Variants in SHPRH observed in about 807,000 individuals in gnomAD.
The protein encoded by SHPRH is SNF2 histone linker PHD RING helicase, also known as E3 ubiquitin-protein ligase SHPRH.
Under a neutral mutation model 202.5 loss-of-function variants are expected in SHPRH, and 106 were observed. The observed-to-expected ratio is 0.52, with a 90% CI of 0.45 to 0.62. The LOEUF is 0.62. SHPRH is among the 20% of genes least tolerant of loss of function. The pLI is 0.00. For missense variants in SHPRH, 1,710 were observed against 2,020.0 expected, an observed-to-expected ratio of 0.85 and a Z score of 2.94; for synonymous variants, 729 against 686.0, an observed-to-expected ratio of 1.06 and a Z score of -0.98.
chr6:145,923,699 T>G lies in SHPRH; in HGVS notation c.3489A>C (p.Arg1163=). ...TIDEELVQRV[R]NEITSNYKQQ... is the part of the protein sequence containing the mutation. Reference sequence around the variant, plus strand: ...GCTTGTAGTTGCTGGTTATTTCATTTCGCACTCGCTGAACTAGCTCCTCAT... The same window carrying G: ...GCTTGTAGTTGCTGGTTATTTCATTGCGCACTCGCTGAACTAGCTCCTCAT... Residue 1163 remains arginine (R), a synonymous_variant, in exon 18 of 30, where the codon CGA becomes CGC. Transcript: ENST00000275233. 6.2e-7 allele frequency: 1 copy of G among 1,612,130 alleles called. No homozygotes were observed. The highest frequency in any genetic ancestry group is 8.5e-7 in the Non-Finnish European group (1 of 1,178,774).
At chr6:145,868,942 ATATGAG>A (rs1779928215) in intron 2 of SHPRH, among the ~76,000 whole-genome samples, 1 of 152,156 alleles carries the variant, frequency 6.6e-6, no homozygotes, top group Non-Finnish European at 1.5e-5. Flanking sequence ...ATTTCATGAG[ATATGAG>A]TATGTTTAGT....
chr6:145,930,028 GAAC>G (rs1205192040), intron 14 of SHPRH, among the ~76,000 whole-genome samples: 2 of 152,052 alleles, frequency 1.3e-5, no homozygotes, highest in African/African-American at 4.8e-5. Flanking sequence ...CGGAAATCTT[GAAC>G]AATATATACC....
intron 1 of SHPRH, among the ~76,000 whole-genome samples, chr6:145,955,693 C>A (rs1788436041): frequency 6.6e-6 from 1 of 151,986 alleles, no homozygotes; most frequent in African/African-American, 2.4e-5. Context: ...AACTGCCCCT[C>A]AGAACAAAGC....
Position 145,943,411 on chromosome 6 carries a change from TA to T in SHPRH, c.1969del (p.Tyr657ThrfsTer13). On this transcript the variant is annotated frameshift_variant, in exon 9 of 30. Transcript: ENST00000275233. LOFTEE classifies it high-confidence loss of function. Reference protein sequence around the residue: ...NTMSPFNTSDYRFECICGELD... With the variant: ...NTMSPFNTSDXRFECICGELD... Reference sequence around the variant, plus strand: ...TTCACCACATATACACTCAAAGCGGTAATCAGAGGTGTTAAAGGGACTCATG... The same window carrying T: ...TTCACCACATATACACTCAAAGCGGTATCAGAGGTGTTAAAGGGACTCATG... The T allele has an allele frequency of 6.2e-7, 1 of 1,614,066 alleles. No homozygotes were observed. Among genetic ancestry groups the T allele is most frequent in the Non-Finnish European group, 8.5e-7 (1 of 1,179,964 alleles).
chr6:145,958,820 T>A (rs564088679), intron 1 of SHPRH, among the ~76,000 whole-genome samples: 1 of 152,064 alleles, frequency 6.6e-6, no homozygotes, highest in Non-Finnish European at 1.5e-5. Flanking sequence ...CATTGTAACA[T>A]CATAATGCAT....
At chr6:145,933,647 C>T (rs1785711437) in intron 13 of SHPRH, among the ~76,000 whole-genome samples, 1 of 152,190 alleles carries the variant, frequency 6.6e-6, no homozygotes, top group African/African-American at 2.4e-5. Context: ...TAACTGTACA[C>T]AGCAATTTGT....
intron 2 of SHPRH, among the ~76,000 whole-genome samples, chr6:145,872,536 T>C (rs1344186481): frequency 6.6e-6 from 1 of 152,020 alleles, no homozygotes; most frequent in Non-Finnish European, 1.5e-5. Flanking sequence ...AGTCAAAAAA[T>C]GACAGATGCT....
At chr6:145,863,549 A>G (rs1779651175), downstream of SHPRH, among the ~76,000 whole-genome samples, 1 of 152,210 alleles carries the variant, frequency 6.6e-6, no homozygotes, top group Non-Finnish European at 1.5e-5. Context: ...GAGGAAGGAG[A>G]GCATTCTGAG....
chr6:145,887,946 TGAAGAAGTTCTAAA>T (rs1023381310), intron 29 of SHPRH, 60 bp downstream of exon 29: 1 of 1,170,906 alleles, frequency 8.5e-7, no homozygotes, highest in African/African-American at 1.5e-5. Flanking sequence ...GTCATCTAAG[TGAAGAAGTTCTAAA>T]GATACAAACT....
chr6:145,940,025 T>C (rs919601189), intron 11 of SHPRH, among the ~76,000 whole-genome samples: 90 of 152,298 alleles, frequency 5.9e-4, no homozygotes, highest in African/African-American at 2.0e-3. Context: ...AAAACAAGAT[T>C]TAAACTTTTC....
chr6:145,907,367 T>C (rs1287402126), intron 25 of SHPRH: 1 of 152,262 alleles, frequency 6.6e-6, no homozygotes, highest in Non-Finnish European at 1.5e-5. Flanking sequence ...CCTCCTAAGC[T>C]GCTCTCTCCA....
At chr6:145,880,950 C>T (rs1466803646), downstream of SHPRH, among the ~76,000 whole-genome samples, 1 of 152,126 alleles carries the variant, frequency 6.6e-6, no homozygotes, top group East Asian at 1.9e-4. Context: ...AATTACTTCT[C>T]TTCCAGTGAT....
Position 145,950,498 on chromosome 6 carries a change from C to G in SHPRH, c.764-16G>C, listed in dbSNP as rs775641870. Reference sequence around the variant, plus strand: ...TCCAACACATCTGTACATCACACAGCAAATGTACTCAAAAACTGATAGGTT... The same window carrying G: ...TCCAACACATCTGTACATCACACAGGAAATGTACTCAAAAACTGATAGGTT... On this transcript the variant is annotated splice_polypyrimidine_tract_variant and intron_variant, in intron 3 of 29. Transcript: ENST00000275233. The G allele has an allele frequency of 6.2e-7, 1 of 1,605,420 alleles. No individual in the cohort carries two copies.
intron 2 of SHPRH, among the ~76,000 whole-genome samples, chr6:145,869,921 G>A (rs1360993209): frequency 6.6e-6 from 1 of 151,060 alleles, no homozygotes; most frequent in African/African-American, 2.4e-5. Flanking sequence ...TGAGCCTATA[G>A]ATCAGGTTGG....
chr6:145,957,743 A>G lies in SHPRH; in HGVS notation c.-32-2389T>C, dbSNP rs149538479. On this transcript the variant is annotated intron_variant, in intron 1 of 29. Coordinates refer to ENST00000275233, the MANE Select transcript of SHPRH (RefSeq NM_001042683.3). ...GAACTGAACTCTCCAACATTTGAACACAGCACAGTCACTTTGGAAAAGTAT... is the reference window on the plus strand; with the variant it reads ...GAACTGAACTCTCCAACATTTGAACGCAGCACAGTCACTTTGGAAAAGTAT... 1.2e-4 allele frequency among the ~76,000 whole-genome samples: 18 copies of G among 152,314 alleles called. No homozygotes were observed. The East Asian group carries it at 3.3e-3, about 28-fold the overall frequency.
At chr6:145,949,195 C>T (rs544481251) in intron 4 of SHPRH, among the ~76,000 whole-genome samples, 1 of 152,124 alleles carries the variant, frequency 6.6e-6, no homozygotes, top group South Asian at 2.1e-4. Context: ...TCATTCACTC[C>T]AGAACACTAC....
At chr6:145,953,991 C>A (rs1391531809) in intron 2 of SHPRH, among the ~76,000 whole-genome samples, 1 of 150,116 alleles carries the variant, frequency 6.7e-6, no homozygotes, top group Non-Finnish European at 1.5e-5. Context: ...TGACAAGCCG[C>A]CAAGGCCAAA....
intron 25 of SHPRH, chr6:145,904,374 A>T (rs1782762424): frequency 6.6e-6 from 1 of 152,140 alleles, no homozygotes; most frequent in South Asian, 2.1e-4. Flanking sequence ...CTAGGTTTAG[A>T]AATAATTGGA....
intron 19 of SHPRH, 32 bp from the exon 20 acceptor site, chr6:145,922,380 C>T (rs1583405130): frequency 6.5e-7 from 1 of 1,542,036 alleles, no homozygotes; most frequent in Non-Finnish European, 8.7e-7. Flanking sequence ...GAAATATTCA[C>T]AAACATAACC....
Sources: gnomAD v4.1 joint callset for allele counts (sites outside exome capture counted in the v4.1 genomes callset) on GRCh38, gnomAD v4.1.1 for gene constraint, MANE v1.5 for transcripts, NCBI Gene and HGNC (gene_info 2026-07-23, HGNC 2026-07-21) for gene names.